Variants in CTDSPL2 observed in about 807,000 individuals in gnomAD.
The protein encoded by CTDSPL2 is CTD small phosphatase like 2.
In CTDSPL2, 5 loss-of-function variants were observed where a neutral mutation model predicts 60.0. That is an observed-to-expected ratio of 0.08 (90% CI 0.04 to 0.18). The LOEUF (loss-of-function observed/expected upper bound fraction) is 0.18, where lower values mean the gene tolerates loss of function less well. CTDSPL2 is among the 10% of genes least tolerant of loss of function. The probability of loss-of-function intolerance (pLI) is 1.00; values close to 1 mark genes in which losing one functional copy is unlikely to be tolerated. For missense variants in CTDSPL2, 370 were observed against 548.8 expected, an observed-to-expected ratio of 0.67 and a Z score of 3.26; for synonymous variants, 186 against 189.3, an observed-to-expected ratio of 0.98 and a Z score of 0.14.
chr15:44,466,145 C>T (rs2080684856), intron 2 of CTDSPL2, among the ~76,000 whole-genome samples: 2 of 151,828 alleles, frequency 1.3e-5, no homozygotes, highest in Non-Finnish European at 2.9e-5. Context: ...CCATGTTGGC[C>T]ACGCTGGTCT....
At chr15:44,461,093 A>G (rs969863625) in intron 2 of CTDSPL2, among the ~76,000 whole-genome samples, 2 of 152,206 alleles carry the variant, frequency 1.3e-5, no homozygotes, top group Non-Finnish European at 2.9e-5. Flanking sequence ...AGTTTTCCTT[A>G]TATGACATAT....
chr15:44,444,117 C>G (rs1013472500), intron 1 of CTDSPL2, among the ~76,000 whole-genome samples: 1 of 151,990 alleles, frequency 6.6e-6, no homozygotes. Context: ...GTTGCTCAGA[C>G]TGGTCAAAAC....
chr15:44,454,328 C>T (rs536077418), intron 1 of CTDSPL2, among the ~76,000 whole-genome samples: 2 of 151,970 alleles, frequency 1.3e-5, no homozygotes, highest in African/African-American at 2.4e-5. Flanking sequence ...AGATATTAGC[C>T]CTTTGTCAGA....
rs1185849450 is a variant in CTDSPL2, at chr15:44,514,584, T to C, written c.970-14T>C. On this transcript the variant is annotated splice_polypyrimidine_tract_variant and intron_variant, in intron 8 of 12. Coordinates refer to ENST00000260327, the MANE Select transcript of CTDSPL2 (RefSeq NM_016396.3). ...TATGTTTATTTGCTGAAACTTATCTTTGTATTTCCTTAGGTTTATGTGAGA... is the reference window on the plus strand; with the variant it reads ...TATGTTTATTTGCTGAAACTTATCTCTGTATTTCCTTAGGTTTATGTGAGA... The C allele has an allele frequency of 1.3e-6, 2 of 1,539,122 alleles. No homozygotes were observed. Among genetic ancestry groups the C allele is most frequent in the South Asian group, 2.2e-5 (2 of 89,160 alleles).
At chr15:44,455,346 T>C (rs1012719158) in intron 1 of CTDSPL2, among the ~76,000 whole-genome samples, 5 of 152,234 alleles carry the variant, frequency 3.3e-5, no homozygotes, top group East Asian at 3.8e-4. Context: ...TTCCTAAATA[T>C]ACAATCATGT....
At chr15:44,463,715 T>C (rs2080624035) in intron 2 of CTDSPL2, among the ~76,000 whole-genome samples, 1 of 152,210 alleles carries the variant, frequency 6.6e-6, no homozygotes, top group South Asian at 2.1e-4. Flanking sequence ...CTTTCTTATC[T>C]ACAATGTCAT....
chr15:44,478,130 AT>A (rs2080955897), intron 2 of CTDSPL2, among the ~76,000 whole-genome samples: 1 of 151,954 alleles, frequency 6.6e-6, no homozygotes, highest in Non-Finnish European at 1.5e-5. Context: ...TCTGAAGCTC[AT>A]TTTTGTAGTG....
chr15:44,499,944 A>G (rs1481119749), intron 8 of CTDSPL2, 131 bp downstream of exon 8: 1 of 550,070 alleles, frequency 1.8e-6, no homozygotes, highest in Non-Finnish European at 3.3e-6. Context: ...TTTCATCAAC[A>G]TTTTAATGAT....
intron 1 of CTDSPL2, among the ~76,000 whole-genome samples, chr15:44,457,366 C>T (rs1307827810): frequency 6.6e-6 from 1 of 152,218 alleles, no homozygotes; most frequent in Non-Finnish European, 1.5e-5. Flanking sequence ...CTTCACCTCA[C>T]CTTGCACATC....
At chr15:44,446,845 C>G (rs929805745) in intron 1 of CTDSPL2, among the ~76,000 whole-genome samples, 7 of 146,076 alleles carry the variant, frequency 4.8e-5, no homozygotes, top group African/African-American at 1.0e-4. Flanking sequence ...AACCTCTGCT[C>G]TCGGATTCAA....
intron 1 of CTDSPL2, 110 bp from the exon 2 acceptor site, chr15:44,458,881 G>A (rs965934651): frequency 1.5e-6 from 1 of 664,680 alleles, no homozygotes; most frequent in African/African-American, 1.9e-5. Context: ...TAGGACTTTT[G>A]TTTTTTTAGC....
chr15:44,505,154 A>T (rs2081439356), intron 8 of CTDSPL2, among the ~76,000 whole-genome samples: 1 of 152,156 alleles, frequency 6.6e-6, no homozygotes, highest in Admixed American at 6.6e-5. Flanking sequence ...AATAGAGGCC[A>T]GGTGTGGTGG....
Position 44,485,175 on chromosome 15 carries a change from A to G in CTDSPL2, c.325+813A>G, listed in dbSNP as rs141856208. ...CTACTAGGTGGATGTCAGAGATGTT[A>G]AACATCCTACAATACACAGGACAGC... On this transcript the variant is annotated intron_variant, in intron 3 of 12. Coordinates refer to ENST00000260327, the MANE Select transcript of CTDSPL2 (RefSeq NM_016396.3). 2.2e-3 allele frequency among the ~76,000 whole-genome samples: 334 copies of G among 152,340 alleles called. 1 individual carries two copies. The highest frequency in any genetic ancestry group is 7.7e-3 in the African/African-American group (322 of 41,572).
intron 1 of CTDSPL2, chr15:44,448,180 A>G (rs948597671): frequency 3.0e-5 from 8 of 267,880 alleles, no homozygotes; most frequent in African/African-American, 1.1e-4. Flanking sequence ...CACATGGTCA[A>G]TGGGAGCAGC....
At chr15:44,491,843 T>C (rs1329528534) in intron 5 of CTDSPL2, among the ~76,000 whole-genome samples, 1 of 151,952 alleles carries the variant, frequency 6.6e-6, no homozygotes, top group Non-Finnish European at 1.5e-5. Flanking sequence ...GGTCAAGAGT[T>C]TGAGACCAGC....
intron 2 of CTDSPL2, among the ~76,000 whole-genome samples, chr15:44,481,581 T>G (rs2140775687): frequency 6.6e-6 from 1 of 152,280 alleles, no homozygotes; most frequent in East Asian, 1.9e-4. Context: ...TATTTTTATT[T>G]TTATTTTTTG....
chr15:44,490,711 G>A lies in CTDSPL2; in HGVS notation c.476-73G>A, dbSNP rs966323206. On this transcript the variant is annotated intron_variant, in intron 4 of 12. Coordinates refer to ENST00000260327, the MANE Select transcript of CTDSPL2 (RefSeq NM_016396.3). ...ATCAGTCTAAATAAATATATTGTAC[G>A]GTGATGCTGCATTTAGTTTTTCTAA... The A allele has an allele frequency of 1.5e-5, 16 of 1,069,230 alleles. No homozygotes were observed. The Admixed American group carries it at 2.2e-4, about 15-fold the overall frequency. The allele number at this position is 1,069,230 out of a possible 1,614,324, so 66.2% of individuals were successfully genotyped here.
At chr15:44,435,066 C>T (rs947310011) in intron 1 of CTDSPL2, among the ~76,000 whole-genome samples, 4 of 151,900 alleles carry the variant, frequency 2.6e-5, no homozygotes, top group African/African-American at 9.7e-5. Context: ...TTGAGACCAG[C>T]CTGACCAACA....
intron 2 of CTDSPL2, 67 bp downstream of exon 2, chr15:44,459,267 C>G: frequency 8.5e-7 from 1 of 1,173,074 alleles, no homozygotes; most frequent in Non-Finnish European, 1.2e-6. Flanking sequence ...GTGGCTCACG[C>G]CTGTAATCCC....
Sources: allele counts gnomAD v4.1 joint callset (sites outside exome capture counted in the v4.1 genomes callset), GRCh38; gene constraint gnomAD v4.1.1; transcripts MANE v1.5; gene names NCBI Gene and HGNC (gene_info 2026-07-23, HGNC 2026-07-21).